The following CDV3 variants were observed in gnomAD, a reference collection of about 807,000 sequenced individuals.
CDV3 encodes protein CDV3 homolog.
CDV3 carries 14 observed loss-of-function variants against 24.5 expected under a neutral mutation model. The ratio of observed to expected loss-of-function variants is 0.57; its 90% CI spans 0.38 to 0.89. The LOEUF (loss-of-function observed/expected upper bound fraction) is 0.89. Among genes scored for constraint, CDV3 ranks in the 40% least tolerant of loss-of-function variants. CDV3 has a pLI of 0.00. For missense variants in CDV3, 304 were observed against 310.2 expected, an observed-to-expected ratio of 0.98 and a Z score of 0.15; for synonymous variants, 114 against 114.1, an observed-to-expected ratio of 1.00 and a Z score of 0.00.
chr3:133,581,792 T>C (rs1439141293), intron 2 of CDV3, among the ~76,000 whole-genome samples: 1 of 152,226 alleles, frequency 6.6e-6, no homozygotes, highest in Non-Finnish European at 1.5e-5. Flanking sequence ...TTATATTAGG[T>C]ATATAGATGT....
chr3:133,576,243 C>T (rs2074801779), intron 2 of CDV3, among the ~76,000 whole-genome samples: 1 of 152,218 alleles, frequency 6.6e-6, no homozygotes, highest in Non-Finnish European at 1.5e-5. Context: ...GGAACGATGG[C>T]TTCTCCACTC....
Position 133,588,646 on chromosome 3 carries a change from CT to C in CDV3, c.*601del. 1 of 530,862 alleles carries C rather than the reference CT, an allele frequency of 1.9e-6. No individual in the cohort carries two copies. Among genetic ancestry groups the C allele is most frequent in the Non-Finnish European group, 3.4e-6 (1 of 296,676 alleles). The allele number at this position is 530,862 out of a possible 1,614,324, so 32.9% of individuals were successfully genotyped here. ...GTTATATTAGACTTCCTGGAACACACTGCTGAAAAGAACTGATGTGTTCAGA... is the reference window on the plus strand; with the variant it reads ...GTTATATTAGACTTCCTGGAACACACGCTGAAAAGAACTGATGTGTTCAGA... On this transcript the variant is annotated 3_prime_UTR_variant, in exon 5 of 5. Coordinates refer to ENST00000264993, the MANE Select transcript of CDV3 (RefSeq NM_017548.5).
chr3:133,588,460 T>C lies in CDV3; in HGVS notation c.*414T>C, dbSNP rs546314720. ...GAAGATTACAACTATTAAGTGTCGA[T>C]GTGAACCTTGCAACCAGCTCTACTG... On this transcript the variant is annotated 3_prime_UTR_variant, in exon 5 of 5. Coordinates refer to ENST00000264993, the MANE Select transcript of CDV3 (RefSeq NM_017548.5). 98 of 1,239,266 alleles carry C rather than the reference T, an allele frequency of 7.9e-5. No homozygotes were observed. Among genetic ancestry groups the C allele is most frequent in the South Asian group, 6.8e-4 (52 of 76,768 alleles). 76.8% of individuals were successfully genotyped at this position (1,239,266 alleles called of 1,614,324 possible). A position where few individuals can be genotyped will look rare whatever the true frequency, so the allele number is the denominator to read the frequency against.
chr3:133,574,559 G>A (rs1019681922), intron 1 of CDV3: 1 of 986,266 alleles, frequency 1.0e-6, no homozygotes. Flanking sequence ...TAGGTCTGGG[G>A]CCGCAGTGCC....
chr3:133,588,457 C>G lies in CDV3; in HGVS notation c.*411C>G. On this transcript the variant is annotated 3_prime_UTR_variant, in exon 5 of 5. Transcript: ENST00000264993. ...TAAGAAGATTACAACTATTAAGTGT[C>G]GATGTGAACCTTGCAACCAGCTCTA... 2 of 1,246,652 alleles carry G rather than the reference C, an allele frequency of 1.6e-6. No individual in the cohort carries two copies. Among genetic ancestry groups the G allele is most frequent in the East Asian group, 2.5e-5 (1 of 39,470 alleles). The allele number at this position is 1,246,652 out of a possible 1,614,324, so 77.2% of individuals were successfully genotyped here.
At chr3:133,585,336 G>A (rs573336035) in intron 3 of CDV3, among the ~76,000 whole-genome samples, 1 of 151,964 alleles carries the variant, frequency 6.6e-6, no homozygotes. Context: ...CACCACACCC[G>A]GTCTTATGTT....
At chr3:133,574,315 C>T in intron 1 of CDV3, 31 bp downstream of exon 1, 1 of 945,498 alleles carries the variant, frequency 1.1e-6, no homozygotes, top group Non-Finnish European at 1.3e-6. Context: ...CACTCGGGGC[C>T]CGGGCCGCGC....
chr3:133,574,514 G>A (rs2074726063), intron 1 of CDV3: 1 of 986,152 alleles, frequency 1.0e-6, no homozygotes, highest in Admixed American at 6.1e-5. Flanking sequence ...CTCGGCGTTA[G>A]CCAAGGCCCG....
At chr3:133,574,308 T>G (rs2074714506) in intron 1 of CDV3, 24 bp downstream of exon 1, 10 of 955,264 alleles carry the variant, frequency 1.0e-5, no homozygotes, top group Non-Finnish European at 8.7e-6. Flanking sequence ...AGGCCGGCAC[T>G]CGGGGCCCGG....
At chr3:133,581,101 G>A (rs912862513) in intron 2 of CDV3, among the ~76,000 whole-genome samples, 3 of 152,050 alleles carry the variant, frequency 2.0e-5, no homozygotes, top group Admixed American at 1.3e-4. Context: ...CTTTCTGTGA[G>A]GCTGGGCGTG....
chr3:133,583,947 G>C, intron 2 of CDV3, 55 bp from the exon 3 acceptor site: 2 of 1,334,558 alleles, frequency 1.5e-6, no homozygotes, highest in Non-Finnish European at 2.1e-6. Flanking sequence ...CTAACGATTT[G>C]GACTGAAAAT....
intron 2 of CDV3, among the ~76,000 whole-genome samples, chr3:133,579,812 C>T (rs1406465691): frequency 2.6e-5 from 4 of 152,034 alleles, no homozygotes; most frequent in Non-Finnish European, 5.9e-5. Context: ...AGGGTGGTCT[C>T]GAACTCCTGA....
intron 2 of CDV3, among the ~76,000 whole-genome samples, chr3:133,583,163 A>AT (rs1358978246): frequency 3.3e-5 from 5 of 152,022 alleles, no homozygotes; most frequent in African/African-American, 9.7e-5. Flanking sequence ...GATCTTATAT[A>AT]TTTTTTTTAA....
rs1462850684 is a variant in CDV3 at position 133,588,836 on chromosome 3, TTTTTG to T, written c.*800_*804del. 6.4e-6 allele frequency: 1 copy of T among 156,962 alleles called. No individual in the cohort carries two copies. Among genetic ancestry groups the T allele is most frequent in the African/African-American group, 2.4e-5 (1 of 41,514 alleles). 9.7% of individuals were successfully genotyped at this position (156,962 alleles called of 1,614,324 possible). A position where few individuals can be genotyped will look rare whatever the true frequency, so the allele number is the denominator to read the frequency against. ...GTAATTTTTTTATTTGGATAGTGCT[TTTTTG>T]TTTTGTTTTTGTTCTGCATTAAGGC... is the stretch of plus-strand genomic sequence containing the variant. On this transcript the variant is annotated 3_prime_UTR_variant, in exon 5 of 5. Transcript: ENST00000264993.
In CDV3 at chr3:133,574,262, C is replaced by T. The variant is rs1284288048; in HGVS notation, c.218C>T (p.Ala73Val). ...TASAGAAGPG[A>V]ATKAVTKDED... ...AGCGCGGGGGCTGCGGGCCCAGGGG[C>T]CGCCACCAAGGCTGTGACGAAGGTG... The change falls in exon 1 of 5, where the codon GCC becomes GTC. Residue 73 changes from alanine (A) to valine (V), a missense_variant. Physicochemically the swap from Ala to Val is moderately conservative, Grantham distance 64. Transcript: ENST00000264993. 2.7e-5 allele frequency: 27 copies of T among 988,386 alleles called. No homozygotes were observed. The African/African-American group carries it at 4.0e-4, about 15-fold the overall frequency. The allele number at this position is 988,386 out of a possible 1,614,324, so 61.2% of individuals were successfully genotyped here.
chr3:133,582,152 ATTATTTT>A (rs1043847441), intron 2 of CDV3, among the ~76,000 whole-genome samples: 3 of 151,918 alleles, frequency 2.0e-5, no homozygotes, highest in Admixed American at 6.6e-5. Context: ...CAATGCTGCC[ATTATTTT>A]TTATTTTTTA....
At chr3:133,581,984 A>G (rs772695956) in intron 2 of CDV3, among the ~76,000 whole-genome samples, 1 of 152,166 alleles carries the variant, frequency 6.6e-6, no homozygotes, top group Non-Finnish European at 1.5e-5. Flanking sequence ...TTAGGGATGA[A>G]TTGCCATATT....
At chr3:133,575,194 AAGC>A (rs1180982795) in intron 2 of CDV3, 79 bp downstream of exon 2, 2 of 785,166 alleles carry the variant, frequency 2.5e-6, no homozygotes, top group African/African-American at 3.5e-5. Context: ...TTTGGCCCCA[AAGC>A]AGCATCATAG....
intron 2 of CDV3, among the ~76,000 whole-genome samples, chr3:133,578,229 C>T (rs994521298): frequency 1.3e-5 from 2 of 152,092 alleles, no homozygotes; most frequent in Non-Finnish European, 2.9e-5. Context: ...CGCAAGTGAT[C>T]TCAAAGCAAA....
Sources: allele counts gnomAD v4.1 joint callset (sites outside exome capture counted in the v4.1 genomes callset), GRCh38; gene constraint gnomAD v4.1.1; transcripts MANE v1.5; gene names NCBI Gene and HGNC (gene_info 2026-07-23, HGNC 2026-07-21).